The following BTBD9 variants were observed in gnomAD, a reference collection of about 807,000 sequenced individuals.
BTBD9 encodes BTB domain containing 9, also known as BTB/POZ domain-containing protein 9.
In BTBD9, 49 loss-of-function variants were observed where a neutral mutation model predicts 64.3. The observed-to-expected ratio is 0.76, with a 90% CI of 0.61 to 0.97. BTBD9 has a LOEUF of 0.97. BTBD9 is among the 50% of genes least tolerant of loss of function. The pLI, the probability that BTBD9 is intolerant of heterozygous loss-of-function variation, is 0.00. For missense variants in BTBD9, 598 were observed against 762.1 expected (o/e 0.78, Z 2.53); for synonymous variants, 260 against 274.7 (o/e 0.95, Z 0.53).
At chr6:38,274,094 C>A (rs963589359) in intron 8 of BTBD9, among the ~76,000 whole-genome samples, 3 of 152,242 alleles carry the variant, frequency 2.0e-5, no homozygotes, top group African/African-American at 4.8e-5. Flanking sequence ...AGGTCCTTCA[C>A]GTCCCTTGTA....
chr6:38,461,747 TC>T lies in BTBD9; in HGVS notation c.1154+115852del, dbSNP rs371547099. On this transcript the variant is annotated intron_variant, in intron 6 of 10. Transcript: ENST00000481247. ...TTTTTAGGAAACTGCCAAGCTGTTT[TC>T]CAATGCGGTTATACCATTTTAGATT... is the stretch of plus-strand genomic sequence containing the variant. 1.8e-3 allele frequency among the ~76,000 whole-genome samples: 280 copies of T among 152,352 alleles called. 1 individual carries two copies. The highest frequency in any genetic ancestry group is 6.3e-3 in the African/African-American group (262 of 41,584).
intron 8 of BTBD9, among the ~76,000 whole-genome samples, chr6:38,272,509 T>C (rs1446564744): frequency 2.0e-5 from 3 of 152,138 alleles, no homozygotes; most frequent in Non-Finnish European, 4.4e-5. Flanking sequence ...TTAGACTCTT[T>C]AATGAAACCA....
intron 6 of BTBD9, among the ~76,000 whole-genome samples, chr6:38,502,117 C>T (rs1396828033): frequency 1.3e-5 from 2 of 152,176 alleles, no homozygotes; most frequent in African/African-American, 4.8e-5. Context: ...TGATGCTGGA[C>T]ACCTGCCAGA....
chr6:38,428,167 C>T (rs1266429176), intron 6 of BTBD9, among the ~76,000 whole-genome samples: 1 of 151,706 alleles, frequency 6.6e-6, no homozygotes, highest in Non-Finnish European at 1.5e-5. Context: ...GAGATATATC[C>T]CTGACATTTG....
intron 6 of BTBD9, among the ~76,000 whole-genome samples, chr6:38,375,130 G>A (rs1276843609): frequency 3.3e-5 from 5 of 152,196 alleles, no homozygotes; most frequent in Admixed American, 3.3e-4. Flanking sequence ...GACTAGATAA[G>A]TGCCAGGAAA....
chr6:38,280,187 C>A (rs1270270613), intron 8 of BTBD9, among the ~76,000 whole-genome samples: 2 of 152,204 alleles, frequency 1.3e-5, no homozygotes, highest in South Asian at 4.1e-4. Flanking sequence ...ATCCTGCTAT[C>A]TGTTTCCAGG....
chr6:38,391,807 C>T (rs1039426936), intron 6 of BTBD9, among the ~76,000 whole-genome samples: 12 of 152,098 alleles, frequency 7.9e-5, no homozygotes, highest in African/African-American at 2.9e-4. Flanking sequence ...AGGTGGCTCC[C>T]GAACAGGCAG....
At chr6:38,182,924 T>TC (rs386358931) in intron 10 of BTBD9, among the ~76,000 whole-genome samples, 1 of 151,350 alleles carries the variant, frequency 6.6e-6, no homozygotes, top group Non-Finnish European at 1.5e-5. Context: ...TCTCTTTTTT[T>TC]CCAATAAAAT....
intron 10 of BTBD9, among the ~76,000 whole-genome samples, chr6:38,176,600 A>T (rs1434863686): frequency 1.3e-5 from 2 of 152,004 alleles, no homozygotes; most frequent in African/African-American, 4.8e-5. Flanking sequence ...TTTTTTATAA[A>T]ATCTCCTTCT....
At chr6:38,552,568 A>C (rs1774855605) in intron 6 of BTBD9, among the ~76,000 whole-genome samples, 1 of 152,022 alleles carries the variant, frequency 6.6e-6, no homozygotes, top group Non-Finnish European at 1.5e-5. Flanking sequence ...AGAGTTCGAG[A>C]CCAGGCTGGC....
At chr6:38,399,211 T>C (rs903222073) in intron 6 of BTBD9, among the ~76,000 whole-genome samples, 6 of 152,232 alleles carry the variant, frequency 3.9e-5, no homozygotes, top group Admixed American at 2.0e-4. Context: ...ACTGATTTCT[T>C]AATCTTTCTA....
Position 38,420,757 on chromosome 6 carries a change from G to A in BTBD9, c.1155-75664C>T, listed in dbSNP as rs143574754. 2.9e-3 allele frequency among the ~76,000 whole-genome samples: 439 copies of A among 152,192 alleles called. 1 individual carries two copies. Among genetic ancestry groups the A allele is most frequent in the African/African-American group, 1.0e-2 (414 of 41,526 alleles). On this transcript the variant is annotated intron_variant, in intron 6 of 10. Transcript: ENST00000481247. ...TGTAGTCTCAGCTACTCAGGAGGCC[G>A]AGGCAGGAGAATCACTTGAACCTGA...
At chr6:38,200,784 C>T (rs944702077) in intron 9 of BTBD9, among the ~76,000 whole-genome samples, 4 of 152,148 alleles carry the variant, frequency 2.6e-5, no homozygotes, top group African/African-American at 7.2e-5. Context: ...AGTCTCCCAA[C>T]AAAGAAAAGC....
intron 8 of BTBD9, among the ~76,000 whole-genome samples, chr6:38,278,218 T>C (rs895083010): frequency 4.3e-4 from 66 of 152,240 alleles, no homozygotes; most frequent in African/African-American, 1.4e-3. Flanking sequence ...AAGAAAATTG[T>C]AGAGATCACT....
intron 6 of BTBD9, among the ~76,000 whole-genome samples, chr6:38,571,968 A>G (rs1775791718): frequency 7.3e-6 from 1 of 136,086 alleles, no homozygotes; most frequent in Non-Finnish European, 1.6e-5. Flanking sequence ...AAAAACAAAG[A>G]AACAATCACA....
intron 1 of BTBD9, among the ~76,000 whole-genome samples, chr6:38,629,031 T>A (rs1324232763): frequency 6.9e-5 from 10 of 144,754 alleles, no homozygotes; most frequent in Admixed American, 2.8e-4. Context: ...AATATGAGTT[T>A]AAAAAAAAAA....
chr6:38,536,175 G>A (rs1453850601), intron 6 of BTBD9, among the ~76,000 whole-genome samples: 2 of 151,860 alleles, frequency 1.3e-5, no homozygotes, highest in Non-Finnish European at 2.9e-5. Flanking sequence ...CCACTGAATA[G>A]ACATGTCTCA....
chr6:38,381,140 A>C (rs1239588779), intron 6 of BTBD9, among the ~76,000 whole-genome samples: 2 of 152,156 alleles, frequency 1.3e-5, no homozygotes, highest in African/African-American at 2.4e-5. Context: ...TGTATTAGGA[A>C]ACATAATTAA....
intron 6 of BTBD9, among the ~76,000 whole-genome samples, chr6:38,458,514 C>T (rs1769923793): frequency 6.6e-6 from 1 of 152,258 alleles, no homozygotes; most frequent in East Asian, 1.9e-4. Context: ...ATAATCCTAT[C>T]ATGATATAAG....
Sources: allele counts gnomAD v4.1 joint callset (sites outside exome capture counted in the v4.1 genomes callset), GRCh38; gene constraint gnomAD v4.1.1; transcripts MANE v1.5; gene names NCBI Gene and HGNC (gene_info 2026-07-23, HGNC 2026-07-21).